Variants in PLEKHA5 observed in about 807,000 individuals in gnomAD.
PLEKHA5 encodes pleckstrin homology domain containing A5, also known as pleckstrin homology domain-containing family A member 5.
Under a neutral mutation model 181.9 loss-of-function variants are expected in PLEKHA5, and 55 were observed. That is an observed-to-expected ratio of 0.30 (90% CI 0.24 to 0.38). The LOEUF is 0.38. Ranked by LOEUF, PLEKHA5 falls within the 10% of genes least tolerant of loss-of-function variation. The probability of loss-of-function intolerance (pLI) is 1.00; values close to 1 mark genes in which losing one functional copy is unlikely to be tolerated. For synonymous variants in PLEKHA5, 535 were observed against 529.4 expected, an observed-to-expected ratio of 1.01 and a Z score of -0.15; for missense variants, 1,432 against 1,549.5, an observed-to-expected ratio of 0.92 and a Z score of 1.27.
intron 20 of PLEKHA5, among the ~76,000 whole-genome samples, chr12:19,327,644 C>CTT (rs1038779087): frequency 7.2e-5 from 3 of 41,590 alleles, no homozygotes; most frequent in African/African-American, 1.0e-4. Flanking sequence ...TTTCTTTTTT[C>CTT]TTTTTTTTTT....
At chr12:19,230,662 C>T (rs1010481008) in intron 3 of PLEKHA5, among the ~76,000 whole-genome samples, 1 of 152,158 alleles carries the variant, frequency 6.6e-6, no homozygotes, top group Non-Finnish European at 1.5e-5. Flanking sequence ...GTGCGGCCCG[C>T]GGAGCCTGTG....
intron 15 of PLEKHA5, among the ~76,000 whole-genome samples, chr12:19,306,088 A>C (rs144859456): frequency 8.3e-4 from 126 of 152,148 alleles, no homozygotes; most frequent in Non-Finnish European, 1.1e-3. Flanking sequence ...TAAAAAAAAA[A>C]CAAGTTATTC....
At chr12:19,155,436 T>C (rs372109214) in intron 3 of PLEKHA5, among the ~76,000 whole-genome samples, 1 of 152,172 alleles carries the variant, frequency 6.6e-6, no homozygotes, top group Non-Finnish European at 1.5e-5. Flanking sequence ...TTCACGTCCT[T>C]TTTTTGTATG....
At chr12:19,184,068 G>C (rs1016118099) in intron 3 of PLEKHA5, among the ~76,000 whole-genome samples, 2 of 152,132 alleles carry the variant, frequency 1.3e-5, no homozygotes, top group Non-Finnish European at 2.9e-5. Flanking sequence ...GGTGCCTATG[G>C]ATGGACTGTT....
intron 10 of PLEKHA5, among the ~76,000 whole-genome samples, chr12:19,271,952 G>GT (rs2072971397): frequency 6.6e-6 from 1 of 152,210 alleles, no homozygotes; most frequent in Admixed American, 6.5e-5. Context: ...CAAAGTGAAA[G>GT]TAAGTATAGA....
chr12:19,291,825 A>C (rs1390500621), intron 15 of PLEKHA5, 128 bp downstream of exon 15: 3 of 544,818 alleles, frequency 5.5e-6, no homozygotes, highest in Non-Finnish European at 6.3e-6. Context: ...AAGTGATAGA[A>C]TATGAAATCT....
At chr12:19,235,444 A>G (rs1368402084) in intron 3 of PLEKHA5, among the ~76,000 whole-genome samples, 1 of 152,214 alleles carries the variant, frequency 6.6e-6, no homozygotes, top group Admixed American at 6.5e-5. Flanking sequence ...CATGAACTGT[A>G]GAAGAAATAC....
intron 26 of PLEKHA5, among the ~76,000 whole-genome samples, chr12:19,357,918 G>C (rs906147317): frequency 2.0e-5 from 3 of 151,934 alleles, no homozygotes; most frequent in Non-Finnish European, 4.4e-5. Flanking sequence ...GGGATTATAG[G>C]TGTGAGCCAC....
chr12:19,165,459 G>A (rs866517667), intron 3 of PLEKHA5, among the ~76,000 whole-genome samples: 3 of 148,714 alleles, frequency 2.0e-5, no homozygotes, highest in Middle Eastern at 7.0e-3. Flanking sequence ...TTTAATTTAT[G>A]AATTACATTT....
At chr12:19,324,359 A>G (rs910080525) in intron 20 of PLEKHA5, among the ~76,000 whole-genome samples, 1 of 152,148 alleles carries the variant, frequency 6.6e-6, no homozygotes, top group African/African-American at 2.4e-5. Context: ...TTGAGTCTTA[A>G]TTATATTGTC....
chr12:19,297,674 T>A (rs2080246804), intron 15 of PLEKHA5, among the ~76,000 whole-genome samples: 2 of 151,316 alleles, frequency 1.3e-5, no homozygotes, highest in Non-Finnish European at 2.9e-5. Flanking sequence ...TACCTATGTA[T>A]TCTTTTTTGC....
intron 3 of PLEKHA5, among the ~76,000 whole-genome samples, chr12:19,212,580 C>T (rs1265187254): frequency 4.6e-5 from 7 of 151,084 alleles, no homozygotes; most frequent in African/African-American, 9.7e-5. Context: ...ACTCCGGAGG[C>T]GGAGACACAA....
At chr12:19,151,253 AATT>A (rs2040321895) in intron 3 of PLEKHA5, 1 of 152,252 alleles carries the variant, frequency 6.6e-6, no homozygotes, top group South Asian at 2.1e-4. Context: ...GGAGTTTGCT[AATT>A]ATGGAGCACC....
At chr12:19,134,864 G>C (rs1177616619) in intron 3 of PLEKHA5, among the ~76,000 whole-genome samples, 1 of 152,144 alleles carries the variant, frequency 6.6e-6, no homozygotes, top group Non-Finnish European at 1.5e-5. Flanking sequence ...CAGAGTGGAG[G>C]AAAAGATAGG....
intron 3 of PLEKHA5, among the ~76,000 whole-genome samples, chr12:19,210,079 C>T (rs1363208186): frequency 1.3e-5 from 2 of 152,060 alleles, no homozygotes; most frequent in African/African-American, 2.4e-5. Flanking sequence ...CAGTTAATAA[C>T]GTGAAAAAGA....
At chr12:19,340,848 C>CAGAG (rs1426952865) in intron 21 of PLEKHA5, among the ~76,000 whole-genome samples, 12 of 150,432 alleles carry the variant, frequency 8.0e-5, no homozygotes, top group South Asian at 2.1e-4. Context: ...CTAGGAAAAC[C>CAGAG]AGAGACCTTT....
chr12:19,335,342 A>C (rs1022204168), intron 20 of PLEKHA5, among the ~76,000 whole-genome samples: 2 of 151,200 alleles, frequency 1.3e-5, no homozygotes, highest in African/African-American at 4.9e-5. Flanking sequence ...CAATCACCTA[A>C]ATTTTCTAAA....
chr12:19,172,491 C>G (rs1215096218), intron 3 of PLEKHA5, among the ~76,000 whole-genome samples: 1 of 152,140 alleles, frequency 6.6e-6, no homozygotes, highest in Non-Finnish European at 1.5e-5. Flanking sequence ...GTCACTTCCT[C>G]AAGAAGATAT....
intron 3 of PLEKHA5, among the ~76,000 whole-genome samples, chr12:19,177,552 T>C (rs182235200): frequency 4.4e-4 from 67 of 152,338 alleles, no homozygotes; most frequent in African/African-American, 1.5e-3. Context: ...ACACATCTAA[T>C]ACACCCACAG....
Sources: allele counts gnomAD v4.1 joint callset (sites outside exome capture counted in the v4.1 genomes callset), GRCh38; gene constraint gnomAD v4.1.1; transcripts MANE v1.5; gene names NCBI Gene and HGNC (gene_info 2026-07-23, HGNC 2026-07-21).